The following GALNT13 variants were observed in gnomAD, a reference collection of about 807,000 sequenced individuals.
GALNT13 encodes the protein UDP-GalNAc:polypeptide N-acetylgalactosaminyltransferase 13.
GALNT13 carries 28 observed loss-of-function variants against 64.2 expected under a neutral mutation model. The ratio of observed to expected loss-of-function variants is 0.44; its 90% CI spans 0.32 to 0.60. GALNT13 has a LOEUF of 0.60. Among genes scored for constraint, GALNT13 ranks in the 20% least tolerant of loss-of-function variants. The pLI is 0.05. For synonymous variants in GALNT13, 214 were observed against 224.6 expected, an observed-to-expected ratio of 0.95 and a Z score of 0.42; for missense variants, 577 against 669.8, an observed-to-expected ratio of 0.86 and a Z score of 1.53.
chr2:153,103,426 C>T, the GALNT13 span, among the ~76,000 whole-genome samples: 2 of 152,158 alleles, frequency 1.3e-5, no homozygotes, highest in South Asian at 2.1e-4. Flanking sequence ...CTACATAGGC[C>T]CCCAGCTCTG....
chr2:154,062,357 T>G (rs1700231695), intron 3 of GALNT13, among the ~76,000 whole-genome samples: 1 of 152,222 alleles, frequency 6.6e-6, no homozygotes. Context: ...ATTCTTTTTC[T>G]ATTTCTTTCT....
intron 2 of GALNT13, among the ~76,000 whole-genome samples, chr2:153,901,369 G>T (rs1447359797): frequency 6.6e-6 from 1 of 152,208 alleles, no homozygotes; most frequent in East Asian, 1.9e-4. Context: ...AATATCGTTT[G>T]CAGTTTGATA....
chr2:154,350,814 A>G (rs766254792), intron 9 of GALNT13, among the ~76,000 whole-genome samples: 20 of 152,206 alleles, frequency 1.3e-4, no homozygotes, highest in Non-Finnish European at 2.6e-4. Flanking sequence ...CAGCAGTGGA[A>G]GGCAGTGGGG....
In GALNT13 at chr2:154,445,885, C is replaced by T. The variant is rs1701544375; in HGVS notation, c.1531-4526C>T. ...CTGTGGCTTTCCTGGAGCTTATGTT[C>T]CTATGGAGGAAATAGATGGAGAGCA... is the stretch of plus-strand genomic sequence containing the variant. On this transcript the variant is annotated intron_variant, in intron 12 of 12. Transcript: ENST00000392825. 3.6e-6 allele frequency: 4 copies of T among 1,107,660 alleles called. No individual in the cohort carries two copies. The South Asian group carries it at 3.9e-5, about 11-fold the overall frequency. The allele number at this position is 1,107,660 out of a possible 1,614,324, so 68.6% of individuals were successfully genotyped here. A position where few individuals can be genotyped will look rare whatever the true frequency, so the allele number is the denominator to read the frequency against.
At chr2:153,683,429 C>T in the GALNT13 span, among the ~76,000 whole-genome samples, 1 of 29,446 alleles carries the variant, frequency 3.4e-5, no homozygotes, top group South Asian at 6.3e-4. Context: ...TTTGCATATA[C>T]GTAAATGGAA....
the GALNT13 span, among the ~76,000 whole-genome samples, chr2:153,526,125 G>A: frequency 6.6e-6 from 1 of 152,256 alleles, no homozygotes; most frequent in African/African-American, 2.4e-5. Context: ...GCCTGGGGGA[G>A]CTCATCACCC....
rs181599876 is a variant in GALNT13 at position 154,400,041 on chromosome 2, G to A, written c.1296+3911G>A. On this transcript the variant is annotated intron_variant, in intron 10 of 12. Transcript: ENST00000392825. ...GCATCTGTTTCCATGGAAACAGAAG[G>A]ACAAATTCACCAAGCACTACCTCCC... Among the ~76,000 whole-genome samples the A allele has an allele frequency of 2.3e-4, 35 of 152,182 alleles. No individual in the cohort carries two copies. In the East Asian group the frequency reaches 2.7e-3, roughly 12 times the overall value.
intron 3 of GALNT13, among the ~76,000 whole-genome samples, chr2:154,032,867 T>TTC (rs1480804260): frequency 6.8e-6 from 1 of 147,352 alleles, no homozygotes; most frequent in Non-Finnish European, 1.5e-5. Flanking sequence ...ACATTTCCTT[T>TTC]TTTTTTTTTT....
the GALNT13 span, among the ~76,000 whole-genome samples, chr2:153,555,473 C>T: frequency 1.9e-5 from 2 of 104,556 alleles, no homozygotes; most frequent in African/African-American, 7.7e-5. Flanking sequence ...GGATTACAGG[C>T]GTGAGCCACC....
At chr2:153,419,498 A>C in the GALNT13 span, among the ~76,000 whole-genome samples, 3 of 152,244 alleles carry the variant, frequency 2.0e-5, no homozygotes, top group Non-Finnish European at 4.4e-5. Context: ...GCAAAATGAT[A>C]GAGACAAACA....
intron 3 of GALNT13, among the ~76,000 whole-genome samples, chr2:153,949,280 A>AAT (rs1691998798): frequency 6.6e-6 from 1 of 152,152 alleles, no homozygotes; most frequent in Non-Finnish European, 1.5e-5. Context: ...CGAATGACTG[A>AAT]ATATATATTC....
At chr2:154,082,359 T>C (rs1381513639) in intron 3 of GALNT13, among the ~76,000 whole-genome samples, 2 of 151,712 alleles carry the variant, frequency 1.3e-5, no homozygotes, top group Non-Finnish European at 3.0e-5. Context: ...TCTTAATTTT[T>C]AGTTCATAAA....
chr2:153,640,494 C>T, the GALNT13 span, among the ~76,000 whole-genome samples: 2 of 152,086 alleles, frequency 1.3e-5, no homozygotes, highest in African/African-American at 4.8e-5. Context: ...AGAAGTTTGT[C>T]AGGGCCCGGC....
chr2:153,426,052 A>G, the GALNT13 span, among the ~76,000 whole-genome samples: 302 of 152,020 alleles, frequency 2.0e-3, 2 homozygotes, highest in African/African-American at 6.6e-3. Context: ...GTCTAATTAT[A>G]TATTAGCTGA....
At chr2:153,403,844 G>A in the GALNT13 span, among the ~76,000 whole-genome samples, 8 of 152,202 alleles carry the variant, frequency 5.3e-5, no homozygotes, top group Admixed American at 1.3e-4. Flanking sequence ...TCCCTAGTGA[G>A]ATGAACCCGG....
At chr2:153,195,332 C>T in the GALNT13 span, among the ~76,000 whole-genome samples, 16 of 152,146 alleles carry the variant, frequency 1.1e-4, no homozygotes, top group African/African-American at 3.9e-4. Flanking sequence ...ACCCTACCAG[C>T]CTGGAACTCA....
chr2:153,878,636 C>T (rs1238032439), intron 1 of GALNT13, among the ~76,000 whole-genome samples: 1 of 152,048 alleles, frequency 6.6e-6, no homozygotes, highest in Non-Finnish European at 1.5e-5. Context: ...ACTCTGTGTC[C>T]TGGGATTGGA....
chr2:154,271,598 T>G (rs1691357116), intron 8 of GALNT13, among the ~76,000 whole-genome samples: 1 of 151,932 alleles, frequency 6.6e-6, no homozygotes, highest in Non-Finnish European at 1.5e-5. Context: ...TCATTTCTTC[T>G]CTTTCATGAC....
chr2:154,401,253 G>A (rs1020386906), intron 10 of GALNT13, among the ~76,000 whole-genome samples: 1 of 151,954 alleles, frequency 6.6e-6, no homozygotes, highest in African/African-American at 2.4e-5. Context: ...AGAGATTAAG[G>A]GTAAAATCAG....
Sources: gnomAD v4.1 joint callset for allele counts (sites outside exome capture counted in the v4.1 genomes callset) on GRCh38, gnomAD v4.1.1 for gene constraint, MANE v1.5 for transcripts, NCBI Gene and HGNC (gene_info 2026-07-23, HGNC 2026-07-21) for gene names.